ARHGAP18: variants seen among roughly 807,000 people sequenced by gnomAD.
ARHGAP18 encodes the protein rho GTPase-activating protein 18.
ARHGAP18 carries 67 observed loss-of-function variants against 86.2 expected under a neutral mutation model. That is an observed-to-expected ratio of 0.78 (90% CI 0.64 to 0.95). The LOEUF (loss-of-function observed/expected upper bound fraction) is 0.95, where lower values mean the gene tolerates loss of function less well. ARHGAP18 is among the 40% of genes least tolerant of loss of function. The probability of loss-of-function intolerance (pLI) is 0.00; values close to 1 mark genes in which losing one functional copy is unlikely to be tolerated. For synonymous variants in ARHGAP18, 283 were observed against 280.4 expected (o/e 1.01, Z -0.09); for missense variants, 691 against 780.4 (o/e 0.89, Z 1.37).
At chr6:129,578,829 T>C (rs1788231720) in intron 14 of ARHGAP18, among the ~76,000 whole-genome samples, 1 of 152,128 alleles carries the variant, frequency 6.6e-6, no homozygotes, top group Non-Finnish European at 1.5e-5. Context: ...CTAGGCATGG[T>C]GGCTTGCACC....
intron 5 of ARHGAP18, among the ~76,000 whole-genome samples, chr6:129,626,408 A>G (rs1789473380): frequency 6.6e-6 from 1 of 152,008 alleles, no homozygotes; most frequent in African/African-American, 2.4e-5. Context: ...TTGGTAGCTG[A>G]AGGATAAAAG....
At chr6:129,646,138 C>T (rs1489723298) in intron 1 of ARHGAP18, among the ~76,000 whole-genome samples, 1 of 152,170 alleles carries the variant, frequency 6.6e-6, no homozygotes, top group East Asian at 1.9e-4. Flanking sequence ...ATGCAGTCAG[C>T]TCAGTCAGCA....
intron 1 of ARHGAP18, among the ~76,000 whole-genome samples, chr6:129,705,896 A>G (rs985727243): frequency 2.0e-5 from 3 of 152,146 alleles, no homozygotes; most frequent in Admixed American, 6.5e-5. Flanking sequence ...ATGACCCCAG[A>G]CAGGTTGGCC....
intron 1 of ARHGAP18, among the ~76,000 whole-genome samples, chr6:129,644,889 A>G (rs866072493): frequency 6.6e-6 from 1 of 152,242 alleles, no homozygotes; most frequent in Non-Finnish European, 1.5e-5. Context: ...AAAATTGAAT[A>G]GCTTAGTGCT....
At chr6:129,669,612 C>T (rs1774107292) in intron 1 of ARHGAP18, among the ~76,000 whole-genome samples, 1 of 151,530 alleles carries the variant, frequency 6.6e-6, no homozygotes, top group Admixed American at 6.6e-5. Flanking sequence ...ACGGAGAAAC[C>T]CCGTCTCTAT....
chr6:129,582,421 GTGTC>G (rs1562675399), intron 13 of ARHGAP18, among the ~76,000 whole-genome samples: 3 of 151,924 alleles, frequency 2.0e-5, no homozygotes, highest in African/African-American at 4.9e-5. Flanking sequence ...TAAATTAACT[GTGTC>G]TGGCTGGAAA....
intron 1 of ARHGAP18, among the ~76,000 whole-genome samples, chr6:129,703,102 T>G (rs1470210110): frequency 6.6e-6 from 1 of 152,224 alleles, no homozygotes; most frequent in Non-Finnish European, 1.5e-5. Flanking sequence ...GAACTATCCC[T>G]GTGGCCAGGG....
intron 10 of ARHGAP18, among the ~76,000 whole-genome samples, chr6:129,602,918 C>G (rs1349869100): frequency 6.6e-6 from 1 of 151,614 alleles, no homozygotes; most frequent in African/African-American, 2.4e-5. Flanking sequence ...ATAAAATTAA[C>G]GAGATGTTAG....
rs779031349 is a variant in ARHGAP18, at chr6:129,641,841, C to G, written c.291G>C (p.Glu97Asp). ...KSSENSQEDQ[E>D]VVVVKEPDEG... ...CATCAGGCTCTTTGACAACAACCAC[C>G]TCTTGATCTTCTTGGCTGTTTTCAC... Residue 97 changes from glutamate to aspartate, a missense_variant, in exon 2 of 15, where the codon GAG (glutamate) becomes GAC (aspartate). Physicochemically the swap from Glu to Asp is conservative, Grantham distance 45. Transcript: ENST00000368149. The G allele has an allele frequency of 1.2e-6, 2 of 1,613,828 alleles. No individual in the cohort carries two copies. Among genetic ancestry groups the G allele is most frequent in the South Asian group, 2.2e-5 (2 of 91,062 alleles).
intron 1 of ARHGAP18, among the ~76,000 whole-genome samples, chr6:129,688,740 C>T (rs559247958): frequency 1.3e-4 from 19 of 151,752 alleles, no homozygotes; most frequent in Non-Finnish European, 2.1e-4. Context: ...TGCAGTGAGC[C>T]GAGATCGCAC....
At chr6:129,641,388 T>A (rs1449745939) in intron 2 of ARHGAP18, among the ~76,000 whole-genome samples, 1 of 152,078 alleles carries the variant, frequency 6.6e-6, no homozygotes, top group Non-Finnish European at 1.5e-5. Flanking sequence ...TATAAATCAA[T>A]AAAACAAAGA....
At chr6:129,625,039 A>C (rs1584058818) in intron 5 of ARHGAP18, among the ~76,000 whole-genome samples, 1 of 84,994 alleles carries the variant, frequency 1.2e-5, no homozygotes, top group East Asian at 2.6e-4. Context: ...ATATATATTT[A>C]TATAATATAT....
At chr6:129,684,603 G>A (rs17057586) in intron 1 of ARHGAP18, among the ~76,000 whole-genome samples, 2,824 of 152,222 alleles carry the variant, frequency 0.019, 94 homozygotes, top group African/African-American at 0.064. Flanking sequence ...ACACCAGAAC[G>A]CATCCACCAA....
chr6:129,625,089 GAT>G (rs1185799367), intron 5 of ARHGAP18, among the ~76,000 whole-genome samples: 1 of 94,230 alleles, frequency 1.1e-5, no homozygotes, highest in African/African-American at 4.2e-5. Context: ...TATGATATAT[GAT>G]ATATGATATA....
chr6:129,661,140 A>G (rs9388722), intron 1 of ARHGAP18, among the ~76,000 whole-genome samples: 77,109 of 150,964 alleles, frequency 0.51, 20,682 homozygotes, highest in African/African-American at 0.68. Context: ...CAGGGATGCT[A>G]GGCAACAAAA....
At chr6:129,663,432 C>T (rs539801768) in intron 1 of ARHGAP18, among the ~76,000 whole-genome samples, 1 of 152,214 alleles carries the variant, frequency 6.6e-6, no homozygotes, top group South Asian at 2.1e-4. Context: ...GTATAAAATC[C>T]TCTGCATCCT....
At chr6:129,701,756 C>T (rs1007749009) in intron 1 of ARHGAP18, among the ~76,000 whole-genome samples, 1 of 151,644 alleles carries the variant, frequency 6.6e-6, no homozygotes, top group African/African-American at 2.4e-5. Flanking sequence ...GGTGACAGAG[C>T]GAGATTCCAT....
At chr6:129,581,300 G>GTGTTC (rs1788284273) in intron 13 of ARHGAP18, among the ~76,000 whole-genome samples, 2 of 152,204 alleles carry the variant, frequency 1.3e-5, no homozygotes, top group African/African-American at 4.8e-5. Context: ...ACACTGGACA[G>GTGTTC]TCAGGGCTCT....
intron 1 of ARHGAP18, among the ~76,000 whole-genome samples, chr6:129,708,440 A>G (rs1774839049): frequency 6.6e-6 from 1 of 152,192 alleles, no homozygotes; most frequent in African/African-American, 2.4e-5. Flanking sequence ...CCACTCAAGT[A>G]TGGGCCACCC....
Sources: gnomAD v4.1 joint callset for allele counts (sites outside exome capture counted in the v4.1 genomes callset) on GRCh38, gnomAD v4.1.1 for gene constraint, MANE v1.5 for transcripts, NCBI Gene and HGNC (gene_info 2026-07-23, HGNC 2026-07-21) for gene names.